DENND1A: variants seen among roughly 807,000 people sequenced by gnomAD.
DENND1A encodes the protein DENN domain-containing protein 1A.
DENND1A carries 51 observed loss-of-function variants against 113.7 expected under a neutral mutation model. That is an observed-to-expected ratio of 0.45 (90% confidence interval 0.36 to 0.57). DENND1A has a LOEUF of 0.57. Ranked by LOEUF, DENND1A falls within the 20% of genes least tolerant of loss-of-function variation. DENND1A has a pLI of 0.00. For missense variants in DENND1A, 1,258 were observed against 1,395.9 expected, an observed-to-expected ratio of 0.90 and a Z score of 1.57; for synonymous variants, 565 against 570.8, an observed-to-expected ratio of 0.99 and a Z score of 0.14.
chr9:123,446,285 A>T (rs1186498812), intron 18 of DENND1A, among the ~76,000 whole-genome samples: 2 of 152,218 alleles, frequency 1.3e-5, no homozygotes, highest in Non-Finnish European at 2.9e-5. Context: ...GAATATTGAT[A>T]TCAAAATAGT....
At chr9:123,567,537 T>C (rs1229388199) in intron 12 of DENND1A, among the ~76,000 whole-genome samples, 1 of 152,212 alleles carries the variant, frequency 6.6e-6, no homozygotes, top group Non-Finnish European at 1.5e-5. Context: ...TAATGCCTTT[T>C]CTAATGGAAA....
chr9:123,844,200 T>C (rs1842243735), intron 2 of DENND1A, among the ~76,000 whole-genome samples: 2 of 152,102 alleles, frequency 1.3e-5, no homozygotes, highest in African/African-American at 4.8e-5. Flanking sequence ...TTCAACACTG[T>C]ATTGGAGGTT....
At chr9:123,870,079 T>A (rs1846321758) in intron 2 of DENND1A, among the ~76,000 whole-genome samples, 1 of 144,716 alleles carries the variant, frequency 6.9e-6, no homozygotes. Flanking sequence ...CACTGGAAAA[T>A]GCAAGATAAA....
chr9:123,805,437 ATT>A (rs569118785), intron 2 of DENND1A, among the ~76,000 whole-genome samples: 5 of 145,846 alleles, frequency 3.4e-5, no homozygotes, highest in African/African-American at 1.0e-4. Flanking sequence ...AATTTATACA[ATT>A]TTTTTTTTTT....
intron 19 of DENND1A, among the ~76,000 whole-genome samples, chr9:123,424,176 T>C (rs2045535841): frequency 6.6e-6 from 1 of 152,170 alleles, no homozygotes; most frequent in African/African-American, 2.4e-5. Context: ...AAGCAGGCTA[T>C]TCTGCCCCTG....
At chr9:123,889,701 G>A (rs1175101927) in intron 1 of DENND1A, among the ~76,000 whole-genome samples, 3 of 152,192 alleles carry the variant, frequency 2.0e-5, no homozygotes, top group Non-Finnish European at 4.4e-5. Context: ...GGCCGGGCGT[G>A]GTGGCTCATA....
At chr9:123,812,995 G>A (rs527277613) in intron 2 of DENND1A, among the ~76,000 whole-genome samples, 2 of 152,244 alleles carry the variant, frequency 1.3e-5, no homozygotes, top group East Asian at 3.9e-4. Flanking sequence ...CTATCTTCCA[G>A]GCTGGAGGGC....
chr9:123,593,923 T>A (rs2059575654), intron 11 of DENND1A, among the ~76,000 whole-genome samples: 1 of 152,042 alleles, frequency 6.6e-6, no homozygotes, highest in Admixed American at 6.6e-5. Context: ...TCCCAAGATC[T>A]GGTTGTTTGA....
intron 5 of DENND1A, among the ~76,000 whole-genome samples, chr9:123,720,491 A>T (rs892574701): frequency 2.6e-5 from 4 of 152,192 alleles, no homozygotes; most frequent in African/African-American, 9.6e-5. Flanking sequence ...AAAGTGGAGG[A>T]CCCAGCTCAG....
At chr9:123,445,402 G>A (rs2047229920) in intron 18 of DENND1A, among the ~76,000 whole-genome samples, 1 of 152,234 alleles carries the variant, frequency 6.6e-6, no homozygotes, top group Non-Finnish European at 1.5e-5. Flanking sequence ...AGGTTTGAAA[G>A]GTCTGAAATG....
intron 2 of DENND1A, among the ~76,000 whole-genome samples, chr9:123,811,909 G>A (rs1341179490): frequency 2.6e-5 from 4 of 152,174 alleles, no homozygotes; most frequent in Non-Finnish European, 5.9e-5. Flanking sequence ...ACAGTGATGT[G>A]TCACTTAACA....
chr9:123,446,542 T>G (rs999375889), intron 18 of DENND1A, among the ~76,000 whole-genome samples: 4 of 151,570 alleles, frequency 2.6e-5, no homozygotes, highest in African/African-American at 9.7e-5. Context: ...ACAAGCTCGA[T>G]TTGTCTTTTA....
At chr9:123,412,771 C>T (rs1049616323) in intron 19 of DENND1A, among the ~76,000 whole-genome samples, 1 of 152,202 alleles carries the variant, frequency 6.6e-6, no homozygotes, top group Non-Finnish European at 1.5e-5. Context: ...ACCCAGGCCG[C>T]GGACCCACAG....
At chr9:123,876,039 C>A (rs1217403422) in intron 2 of DENND1A, among the ~76,000 whole-genome samples, 1 of 152,138 alleles carries the variant, frequency 6.6e-6, no homozygotes, top group Non-Finnish European at 1.5e-5. Flanking sequence ...TACTTTTTCA[C>A]AAATAACAGG....
At chr9:123,726,392 C>A (rs1444629281) in intron 5 of DENND1A, among the ~76,000 whole-genome samples, 3 of 152,188 alleles carry the variant, frequency 2.0e-5, no homozygotes, top group African/African-American at 7.2e-5. Flanking sequence ...CCAGATTCTT[C>A]CACCACACTC....
At position 123,779,304 on chromosome 9, in the gene DENND1A, A is replaced by G. The variant is rs548322651; in HGVS notation, c.133-9741T>C. ...AGAAGGGCCTCCTCCTGCCTCTCTC[A>G]CTGCTCTATTTCTGGGCCCCTTCTC... is the stretch of plus-strand genomic sequence containing the variant. On this transcript the variant is annotated intron_variant, in intron 3 of 23. Coordinates refer to ENST00000394215, the MANE Select transcript of DENND1A (RefSeq NM_001352964.2). Among the ~76,000 whole-genome samples the G allele has an allele frequency of 4.6e-5, 7 of 152,184 alleles. No individual in the cohort carries two copies. The East Asian group carries it at 1.4e-3, about 29-fold the overall frequency.
intron 13 of DENND1A, among the ~76,000 whole-genome samples, chr9:123,487,147 C>T (rs2050950095): frequency 6.6e-6 from 1 of 152,208 alleles, no homozygotes; most frequent in Non-Finnish European, 1.5e-5. Flanking sequence ...AAACAGAGGT[C>T]ACTGAGAGTC....
intron 12 of DENND1A, among the ~76,000 whole-genome samples, chr9:123,569,163 T>C (rs2058221097): frequency 6.6e-6 from 1 of 152,194 alleles, no homozygotes; most frequent in Admixed American, 6.5e-5. Context: ...TAAACCCAGC[T>C]GTGTTTATGT....
rs1041777178 is a variant in DENND1A at position 123,515,613 on chromosome 9, G to C, written c.993+41957C>G. ...ATTCTTTCAACTTTTCCATAGGTTT[G>C]AATTTTTTTAAATGAAAAGTTGAAG... On this transcript the variant is annotated intron_variant, in intron 13 of 23. Coordinates refer to ENST00000394215, the MANE Select transcript of DENND1A (RefSeq NM_001352964.2). 9.9e-5 allele frequency among the ~76,000 whole-genome samples: 15 copies of C among 152,164 alleles called. 1 individual carries two copies. Among genetic ancestry groups the C allele is most frequent in the Admixed American group, 9.8e-4 (15 of 15,288 alleles).
Sources: allele counts gnomAD v4.1 joint callset (sites outside exome capture counted in the v4.1 genomes callset), GRCh38; gene constraint gnomAD v4.1.1; transcripts MANE v1.5; gene names NCBI Gene and HGNC (gene_info 2026-07-23, HGNC 2026-07-21).